Variants in NBPF8 observed in about 807,000 individuals in gnomAD.
NBPF8 encodes the protein NBPF member 8.
chr1:120,419,213 A>G (rs1209410409), upstream of NBPF8, among the ~76,000 whole-genome samples: 2 of 152,268 alleles, frequency 1.3e-5, no homozygotes, highest in African/African-American at 2.4e-5. Context: ...AGGAAATGTC[A>G]ATGAAAAGTA....
rs1366802716 is a variant in NBPF8, at chr1:120,455,198, A to T, written n.2569-211A>T. 9.4e-3 allele frequency among the ~76,000 whole-genome samples: 1,430 copies of T among 152,090 alleles called. 21 individuals carry two copies. The highest frequency in any genetic ancestry group is 0.033 in the African/African-American group (1,359 of 41,492). ...CAGGGAATATGGCATTATGGTCTAC[A>T]TGTAGAGGGAGATTTTGGCCTGTGG... On this transcript the variant is annotated intron_variant and non_coding_transcript_variant, in intron 15 of 24. Coordinates refer to ENST00000583271, the Ensembl canonical transcript of NBPF8.
intron 18 of NBPF8, among the ~76,000 whole-genome samples, chr1:120,460,877 A>G (rs1661565433): frequency 6.6e-6 from 1 of 151,942 alleles, no homozygotes; most frequent in Non-Finnish European, 1.5e-5. Context: ...CTGCAGGGAA[A>G]CTTGAGCACA....
chr1:120,457,734 A>T (rs201205893), intron 16 of NBPF8, among the ~76,000 whole-genome samples: 478 of 34,972 alleles, frequency 0.014, 6 homozygotes, highest in Non-Finnish European at 0.019. Flanking sequence ...TATTAAAAAA[A>T]AAATATATAT....
In NBPF8 at chr1:120,436,627, C is replaced by A. The variant is rs1336674160; in HGVS notation, n.275C>A. ...AGTTGGCAGAGAACAAACAGCAGTT[C>A]GTAAACCTCAAAGAGAGATGTTTTC... On this transcript the variant is annotated non_coding_transcript_exon_variant, in exon 1 of 25. Transcript: ENST00000583271. The A allele has an allele frequency of 2.5e-6, 4 of 1,577,658 alleles. No individual in the cohort carries two copies. The South Asian group carries it at 4.4e-5, about 17-fold the overall frequency.
intron 24 of NBPF8, 114 bp from the exon 23 acceptor site, chr1:120,465,864 G>T (rs1661729055): frequency 5.0e-6 from 8 of 1,608,226 alleles, no homozygotes; most frequent in Non-Finnish European, 6.8e-6. Context: ...CCTCATTAAT[G>T]GATCTGTCCT....
upstream of NBPF8, among the ~76,000 whole-genome samples, chr1:120,415,877 C>T (rs1660424268): frequency 3.3e-5 from 5 of 152,296 alleles, no homozygotes; most frequent in South Asian, 1.0e-3. Flanking sequence ...CGTGATTTCC[C>T]TGTATCTGTC....
At chr1:120,468,734 T>C (rs1661819510), downstream of NBPF8, among the ~76,000 whole-genome samples, 1 of 150,178 alleles carries the variant, frequency 6.7e-6, no homozygotes, top group Non-Finnish European at 1.5e-5. Flanking sequence ...GCCAGTGCTC[T>C]AATCCACCAG....
chr1:120,461,059 TG>T (rs1661575160), intron 18 of NBPF8, among the ~76,000 whole-genome samples, 194 bp from the exon 17 acceptor site: 1 of 137,596 alleles, frequency 7.3e-6, no homozygotes, highest in Non-Finnish European at 1.6e-5. Context: ...TGTGTGTGTG[TG>T]TGTGTCTTTC....
At chr1:120,453,376 T>C in exon 14 of NBPF8, 1 of 855,854 alleles carries the variant, frequency 1.2e-6, no homozygotes, top group East Asian at 2.4e-5. Context: ...TTACAGAAAA[T>C]GACAACGATG....
At chr1:120,436,446 C>T in exon 1 of NBPF8, 4 of 1,199,684 alleles carry the variant, frequency 3.3e-6, no homozygotes, top group Non-Finnish European at 4.9e-6. Flanking sequence ...TTTGATTTCA[C>T]CAGTTTTTAA....
upstream of NBPF8, among the ~76,000 whole-genome samples, chr1:120,418,903 C>G (rs1294088412): frequency 6.6e-6 from 1 of 151,656 alleles, no homozygotes; most frequent in Non-Finnish European, 1.5e-5. Context: ...ACTAAAATCT[C>G]TTACAGCTAT....
At chr1:120,434,295 A>G (rs1453346900), upstream of NBPF8, among the ~76,000 whole-genome samples, 1 of 147,532 alleles carries the variant, frequency 6.8e-6, no homozygotes, top group African/African-American at 2.5e-5. Context: ...CGTATTATAT[A>G]TATATACACG....
upstream of NBPF8, among the ~76,000 whole-genome samples, chr1:120,434,973 ATATAATACAGCAAAAAATATG>A (rs1661033755): frequency 1.6e-5 from 1 of 64,302 alleles, no homozygotes; most frequent in South Asian, 4.7e-4. Flanking sequence ...ATTATTTGCT[ATATAATACAGCAAAAAATATG>A]TATGTATAAA....
chr1:120,452,111 C>A lies in NBPF8; in HGVS notation n.2075-6C>A, dbSNP rs1661293099. On this transcript the variant is annotated splice_polypyrimidine_tract_variant and splice_region_variant and intron_variant and non_coding_transcript_variant, in intron 12 of 24. Coordinates refer to ENST00000583271, the Ensembl canonical transcript of NBPF8. ...CTCTTAAATTTTCTCTACCGTCTCA[C>A]CTTAGGCAATATAAAGTCCTGGTTC... 7 of 1,574,084 alleles carry A rather than the reference C, an allele frequency of 4.4e-6. No homozygotes were observed. Among genetic ancestry groups the A allele is most frequent in the Non-Finnish European group, 1.7e-6 (2 of 1,147,182 alleles).
At chr1:120,459,863 T>G (rs1661528716) in intron 17 of NBPF8, among the ~76,000 whole-genome samples, 1 of 151,974 alleles carries the variant, frequency 6.6e-6, no homozygotes, top group African/African-American at 2.4e-5. Flanking sequence ...TCATCTGAAT[T>G]AAATGTCTCT....
At chr1:120,468,414 C>T (rs1486199012), downstream of NBPF8, among the ~76,000 whole-genome samples, 17 of 145,462 alleles carry the variant, frequency 1.2e-4, no homozygotes, top group Admixed American at 2.1e-4. Flanking sequence ...TCTTTTCTCA[C>T]GGTCTCGATA....
upstream of NBPF8, among the ~76,000 whole-genome samples, chr1:120,431,359 AATATAT>A (rs869036983): frequency 0.072 from 3,033 of 41,886 alleles, 169 homozygotes; most frequent in South Asian, 0.14. Context: ...CCAAATAGGG[AATATAT>A]ATATATATAT....
At chr1:120,460,534 C>T in intron 17 of NBPF8, 39 bp from the exon 16 acceptor site, 4 of 1,161,898 alleles carry the variant, frequency 3.4e-6, no homozygotes, top group Non-Finnish European at 5.1e-6. Context: ...CAAGGAAGAA[C>T]TGCTTAATGT....
intron 3 of NBPF8, among the ~76,000 whole-genome samples, chr1:120,431,250 A>T (rs1272264021): frequency 1.1e-5 from 1 of 90,394 alleles, no homozygotes; most frequent in Non-Finnish European, 2.1e-5. Flanking sequence ...TACACACACA[A>T]ACGTGTGTGT....
Sources: gnomAD v4.1 joint callset for allele counts (sites outside exome capture counted in the v4.1 genomes callset) on GRCh38, gnomAD v4.1.1 for gene constraint, MANE v1.5 for transcripts, NCBI Gene and HGNC (gene_info 2026-07-23, HGNC 2026-07-21) for gene names.